PDZRN4: variants seen among roughly 807,000 people sequenced by gnomAD.
PDZRN4 encodes the protein PDZ domain-containing RING finger protein 4.
In PDZRN4, 70 loss-of-function variants were observed where a neutral mutation model predicts 99.0. The ratio of observed to expected loss-of-function variants is 0.71; its 90% CI spans 0.58 to 0.86. The LOEUF (loss-of-function observed/expected upper bound fraction) is 0.86. PDZRN4 is among the 40% of genes least tolerant of loss of function. PDZRN4 has a pLI of 0.00. For missense variants in PDZRN4, 1,474 were observed against 1,331.2 expected, an observed-to-expected ratio of 1.11 and a Z score of -1.67; for synonymous variants, 551 against 501.6, an observed-to-expected ratio of 1.10 and a Z score of -1.32.
intron 3 of PDZRN4, among the ~76,000 whole-genome samples, chr12:41,470,553 A>T (rs971539820): frequency 1.3e-5 from 2 of 151,984 alleles, no homozygotes; most frequent in African/African-American, 4.8e-5. Flanking sequence ...CACAACGTGC[A>T]GGTTTGTTAC....
chr12:41,328,871 T>C (rs987332814), intron 3 of PDZRN4, among the ~76,000 whole-genome samples: 1 of 152,284 alleles, frequency 6.6e-6, no homozygotes. Flanking sequence ...TCTGATTTGT[T>C]ACTTTGTTTA....
At chr12:41,410,668 T>C (rs2120373987) in intron 3 of PDZRN4, among the ~76,000 whole-genome samples, 1 of 152,308 alleles carries the variant, frequency 6.6e-6, no homozygotes, top group East Asian at 1.9e-4. Context: ...AATGATTTAA[T>C]TGGGAATCCC....
intron 3 of PDZRN4, among the ~76,000 whole-genome samples, chr12:41,462,033 C>G (rs1952878354): frequency 6.6e-6 from 1 of 152,156 alleles, no homozygotes; most frequent in Non-Finnish European, 1.5e-5. Flanking sequence ...GATAATAGCT[C>G]TGATTACATT....
intron 3 of PDZRN4, among the ~76,000 whole-genome samples, chr12:41,477,184 T>G (rs1937611890): frequency 1.3e-5 from 2 of 152,214 alleles, no homozygotes; most frequent in Non-Finnish European, 2.9e-5. Flanking sequence ...ATAGGACTGA[T>G]TGTTTAATTG....
At chr12:41,225,156 C>T (rs1344463926) in intron 3 of PDZRN4, among the ~76,000 whole-genome samples, 2 of 152,012 alleles carry the variant, frequency 1.3e-5, no homozygotes, top group African/African-American at 2.4e-5. Flanking sequence ...AGAAATAGTA[C>T]ATTATGAATT....
At chr12:41,195,208 T>C (rs958079563) in intron 3 of PDZRN4, among the ~76,000 whole-genome samples, 1 of 152,216 alleles carries the variant, frequency 6.6e-6, no homozygotes. Flanking sequence ...ATATTACTTT[T>C]TGTTGCCAAA....
Position 41,573,001 on chromosome 12 carries a change from C to G in PDZRN4, c.2222C>G (p.Thr741Arg), listed in dbSNP as rs745386838. ...SDKDSSSAYNTAESCRSTPLT... is the reference protein window; with the variant it reads ...SDKDSSSAYNRAESCRSTPLT... The stretch of plus-strand genomic sequence containing the variant: ...AAGGACAGTTCTAGTGCTTACAACA[C>G]AGCTGAGAGCTGCAGAAGTACTCCG... The change falls in exon 10 of 10, where the codon ACA (threonine) becomes AGA (arginine). Residue 741 changes from threonine to arginine, a missense_variant. By Grantham distance (71) the Thr-to-Arg change is moderately conservative (BLOSUM62 -1). Transcript: ENST00000402685. 31 of 1,614,052 alleles carry G rather than the reference C, an allele frequency of 1.9e-5. No individual in the cohort carries two copies. The Admixed American group carries it at 4.8e-4, about 25-fold the overall frequency.
chr12:41,214,430 T>TAAAAAAA lies in PDZRN4; in HGVS notation c.843+20256_843+20262dup, dbSNP rs536246838. 1.7e-3 allele frequency among the ~76,000 whole-genome samples: 59 copies of TAAAAAAA among 34,070 alleles called. 4 individuals carry two copies. Among genetic ancestry groups the TAAAAAAA allele is most frequent in the Middle Eastern group, 0.025 (1 of 40 alleles). 22.4% of individuals were successfully genotyped at this position (34,070 alleles called of 152,430 possible). On this transcript the variant is annotated intron_variant, in intron 3 of 9. Transcript: ENST00000402685. ...GGCAATAGAAGGAGACCCTGTCCCC[T>TAAAAAAA]AAAAAAAAAAAAAAAAAAAAGTTAT... is the stretch of plus-strand genomic sequence containing the variant.
In PDZRN4 at chr12:41,404,198, T is replaced by C. The variant is rs147210239; in HGVS notation, c.844-102258T>C. Among the ~76,000 whole-genome samples, 1,352 of 152,260 alleles carry C rather than the reference T, an allele frequency of 8.9e-3. 17 individuals are homozygous for C. The highest frequency in any genetic ancestry group is 0.032 in the African/African-American group (1,311 of 41,554). On this transcript the variant is annotated intron_variant, in intron 3 of 9. Coordinates refer to ENST00000402685, the MANE Select transcript of PDZRN4 (RefSeq NM_001164595.2). ...GTTATTTTTTCAAATATTTTCGATC[T>C]GCGGTTGGTTGAATCCACAGATGCA...
chr12:41,417,451 GC>G (rs763833909), intron 3 of PDZRN4, among the ~76,000 whole-genome samples: 40 of 152,088 alleles, frequency 2.6e-4, no homozygotes, highest in Admixed American at 5.9e-4. Flanking sequence ...CCTTAATTTA[GC>G]CACTATTTTA....
chr12:41,204,693 C>T (rs528224639), intron 3 of PDZRN4, among the ~76,000 whole-genome samples: 6 of 152,112 alleles, frequency 3.9e-5, no homozygotes, highest in Admixed American at 2.0e-4. Flanking sequence ...GAACCACCCC[C>T]GTGATTCAGT....
intron 3 of PDZRN4, among the ~76,000 whole-genome samples, chr12:41,257,297 G>C (rs1281487145): frequency 1.3e-5 from 2 of 152,186 alleles, no homozygotes; most frequent in African/African-American, 4.8e-5. Flanking sequence ...GCAGATTGCT[G>C]ACTTTTCATT....
At chr12:41,421,659 C>T (rs774900593) in intron 3 of PDZRN4, among the ~76,000 whole-genome samples, 1 of 152,178 alleles carries the variant, frequency 6.6e-6, no homozygotes, top group Non-Finnish European at 1.5e-5. Context: ...AGGGATTCCA[C>T]ACTTTGCGCC....
intron 3 of PDZRN4, among the ~76,000 whole-genome samples, chr12:41,318,046 T>G (rs1232836459): frequency 2.6e-5 from 4 of 152,188 alleles, no homozygotes; most frequent in Admixed American, 1.3e-4. Context: ...ATAGGTAGTT[T>G]ACTCATTAAT....
intron 3 of PDZRN4, among the ~76,000 whole-genome samples, chr12:41,389,273 G>T (rs1952193064): frequency 1.3e-5 from 2 of 152,100 alleles, no homozygotes; most frequent in South Asian, 4.1e-4. Context: ...TCTAATTATA[G>T]TTAGTAAATT....
chr12:41,542,483 T>C (rs1938873984), intron 5 of PDZRN4, among the ~76,000 whole-genome samples: 2 of 152,346 alleles, frequency 1.3e-5, no homozygotes, highest in Non-Finnish European at 2.9e-5. Flanking sequence ...TCCACCTTGT[T>C]CCTGCCTCCA....
chr12:41,252,328 T>C (rs1951176328), intron 3 of PDZRN4, among the ~76,000 whole-genome samples: 1 of 152,046 alleles, frequency 6.6e-6, no homozygotes, highest in Non-Finnish European at 1.5e-5. Flanking sequence ...AACAGGTAAA[T>C]GTTCATACAA....
rs114887054 is a variant in PDZRN4, at chr12:41,563,589, C to T, written c.1407C>T (p.Ala469=). ...TCCAGAATCGAGAAGAAGCAGTGGCCTTGCTGTCTAACGATGAGTGTAAGA... is the reference window on the plus strand; with the variant it reads ...TCCAGAATCGAGAAGAAGCAGTGGCTTTGCTGTCTAACGATGAGTGTAAGA... ...EDVQNREEAV[A]LLSNDECKRI... is the part of the protein sequence containing the mutation. Residue 469 remains alanine (A), a synonymous_variant, in exon 8 of 10, where the codon GCC becomes GCT. Coordinates refer to ENST00000402685, the MANE Select transcript of PDZRN4 (RefSeq NM_001164595.2). 606 of 1,613,514 alleles carry T rather than the reference C, an allele frequency of 3.8e-4. 1 individual carries two copies. The African/African-American group carries it at 7.6e-3, about 20-fold the overall frequency.
At chr12:41,461,898 T>C (rs1205574223) in intron 3 of PDZRN4, among the ~76,000 whole-genome samples, 1 of 152,126 alleles carries the variant, frequency 6.6e-6, no homozygotes, top group Non-Finnish European at 1.5e-5. Context: ...CATATTTGCT[T>C]CACTCTCTCA....
Sources: allele counts gnomAD v4.1 joint callset (sites outside exome capture counted in the v4.1 genomes callset), GRCh38; gene constraint gnomAD v4.1.1; transcripts MANE v1.5; gene names NCBI Gene and HGNC (gene_info 2026-07-23, HGNC 2026-07-21).